LMO7: variants seen among roughly 807,000 people sequenced by gnomAD.
LMO7 encodes the protein LIM domain 7.
In LMO7, 120 loss-of-function variants were observed where a neutral mutation model predicts 206.5. The observed-to-expected ratio is 0.58, with a 90% CI of 0.50 to 0.68. The LOEUF (loss-of-function observed/expected upper bound fraction) is 0.68. Among genes scored for constraint, LMO7 ranks in the 30% least tolerant of loss-of-function variants. The probability of loss-of-function intolerance (pLI) is 0.00; values close to 1 mark genes in which losing one functional copy is unlikely to be tolerated. For missense variants in LMO7, 1,959 were observed against 1,957.9 expected, an observed-to-expected ratio of 1.00 and a Z score of -0.01; for synonymous variants, 706 against 681.5, an observed-to-expected ratio of 1.04 and a Z score of -0.56.
intron 1 of LMO7, among the ~76,000 whole-genome samples, chr13:75,709,605 A>G (rs1476320403): frequency 1.3e-5 from 2 of 152,134 alleles, no homozygotes; most frequent in East Asian, 3.8e-4. Flanking sequence ...TCTTTTGAGA[A>G]GTGTCTGTTC....
At chr13:75,806,415 C>T (rs755710353) in intron 9 of LMO7, 6 of 172,720 alleles carry the variant, frequency 3.5e-5, no homozygotes, top group Non-Finnish European at 5.8e-5. Context: ...ATGTATAACA[C>T]GCTGCTTTCT....
intron 11 of LMO7, among the ~76,000 whole-genome samples, chr13:75,816,462 C>T (rs1035308202): frequency 9.2e-5 from 14 of 152,230 alleles, no homozygotes; most frequent in African/African-American, 2.9e-4. Flanking sequence ...GTGCCCAACA[C>T]CCCACTCTGT....
chr13:75,750,591 G>C (rs2047199920), intron 3 of LMO7, among the ~76,000 whole-genome samples: 2 of 151,894 alleles, frequency 1.3e-5, no homozygotes, highest in Admixed American at 6.6e-5. Context: ...GACAGGGTCT[G>C]ACTATGTTGC....
intron 15 of LMO7, among the ~76,000 whole-genome samples, chr13:75,824,474 CA>C (rs2057918103): frequency 6.6e-6 from 1 of 152,012 alleles, no homozygotes; most frequent in Admixed American, 6.6e-5. Flanking sequence ...ATTTGGAGTC[CA>C]AACAAAATAT....
intron 4 of LMO7, among the ~76,000 whole-genome samples, chr13:75,791,661 T>C (rs187616088): frequency 6.6e-6 from 1 of 152,224 alleles, no homozygotes; most frequent in East Asian, 1.9e-4. Flanking sequence ...AAAATGCCTA[T>C]AGTAGATGGT....
intron 26 of LMO7, 105 bp downstream of exon 26, chr13:75,845,484 A>G: frequency 3.1e-6 from 2 of 644,760 alleles, no homozygotes; most frequent in Non-Finnish European, 5.4e-6. Context: ...CATTAAGATT[A>G]CTTAATTAAA....
At chr13:75,836,962 C>T (rs2059178979) in intron 19 of LMO7, among the ~76,000 whole-genome samples, 1 of 152,158 alleles carries the variant, frequency 6.6e-6, no homozygotes, top group Non-Finnish European at 1.5e-5. Flanking sequence ...CTCCATCTTT[C>T]TTCTTCTGCC....
intron 1 of LMO7, among the ~76,000 whole-genome samples, chr13:75,673,031 T>A (rs1045363845): frequency 6.6e-6 from 1 of 152,218 alleles, no homozygotes; most frequent in Non-Finnish European, 1.5e-5. Flanking sequence ...TACAAAAATT[T>A]TTCTCATTCC....
chr13:75,775,717 T>C (rs1247994566), intron 4 of LMO7, among the ~76,000 whole-genome samples: 1 of 152,076 alleles, frequency 6.6e-6, no homozygotes, highest in Non-Finnish European at 1.5e-5. Flanking sequence ...TCAACATCAC[T>C]GATCATCAGA....
intron 1 of LMO7, among the ~76,000 whole-genome samples, chr13:75,653,808 A>G (rs1045955962): frequency 2.6e-5 from 4 of 152,238 alleles, no homozygotes; most frequent in Non-Finnish European, 4.4e-5. Flanking sequence ...TTCTGGTACC[A>G]TAAGTCAACA....
At chr13:75,801,860 A>G (rs1362884998) in intron 7 of LMO7, among the ~76,000 whole-genome samples, 1 of 152,204 alleles carries the variant, frequency 6.6e-6, no homozygotes, top group African/African-American at 2.4e-5. Flanking sequence ...AAAAATCAGC[A>G]AACTTAAAAT....
At chr13:75,751,094 T>A (rs1218150364) in intron 3 of LMO7, among the ~76,000 whole-genome samples, 1 of 151,668 alleles carries the variant, frequency 6.6e-6, no homozygotes. Flanking sequence ...ACCTAGTATC[T>A]TGTCTTTAGG....
At chr13:75,794,367 C>T (rs1823769046) in intron 4 of LMO7, among the ~76,000 whole-genome samples, 1 of 151,966 alleles carries the variant, frequency 6.6e-6, no homozygotes, top group Non-Finnish European at 1.5e-5. Context: ...CATTTCAGTA[C>T]AAGTTTGTTT....
At chr13:75,816,906 T>C in intron 11 of LMO7, 2 of 279,380 alleles carry the variant, frequency 7.2e-6, no homozygotes, top group Non-Finnish European at 1.3e-5. Flanking sequence ...TTTTTGTTTT[T>C]TTGTTTGTTT....
At chr13:75,758,404 G>A (rs2047863545) in intron 3 of LMO7, among the ~76,000 whole-genome samples, 1 of 152,148 alleles carries the variant, frequency 6.6e-6, no homozygotes, top group African/African-American at 2.4e-5. Flanking sequence ...CAGTAGGAAT[G>A]ACTGAGACTA....
chr13:75,757,999 G>T (rs754543703), intron 3 of LMO7, among the ~76,000 whole-genome samples: 12 of 152,026 alleles, frequency 7.9e-5, no homozygotes, highest in Non-Finnish European at 1.5e-4. Flanking sequence ...CTCTTCTTTT[G>T]CAGAGAAAAA....
chr13:75,659,252 A>T (rs1195895022), intron 1 of LMO7, among the ~76,000 whole-genome samples: 1 of 152,186 alleles, frequency 6.6e-6, no homozygotes, highest in Non-Finnish European at 1.5e-5. Context: ...ATTACAATCG[A>T]ATATTGAACT....
intron 30 of LMO7, chr13:75,857,591 T>C (rs2061070874): frequency 5.4e-6 from 1 of 185,988 alleles, no homozygotes; most frequent in Non-Finnish European, 1.1e-5. Context: ...TTTCTCTCTC[T>C]CATCAAATTC....
chr13:75,719,518 G>T (rs189634015), intron 2 of LMO7, among the ~76,000 whole-genome samples: 11 of 152,206 alleles, frequency 7.2e-5, no homozygotes, highest in Admixed American at 7.2e-4. Flanking sequence ...CATGGGGGTG[G>T]ATTTCCCCCA....
Sources: gnomAD v4.1 joint callset for allele counts (sites outside exome capture counted in the v4.1 genomes callset) on GRCh38, gnomAD v4.1.1 for gene constraint, MANE v1.5 for transcripts, NCBI Gene and HGNC (gene_info 2026-07-23, HGNC 2026-07-21) for gene names.